The following PCDHGB3 variants were observed in gnomAD, a reference collection of about 807,000 sequenced individuals.
The protein encoded by PCDHGB3 is protocadherin gamma-B3.
Under a neutral mutation model 59.2 loss-of-function variants are expected in PCDHGB3, and 40 were observed. That is an observed-to-expected ratio of 0.68 (90% CI 0.52 to 0.88). The LOEUF is 0.88. PCDHGB3 is among the 40% of genes least tolerant of loss of function. The probability of loss-of-function intolerance (pLI) is 0.00; values close to 1 mark genes in which losing one functional copy is unlikely to be tolerated. For missense variants in PCDHGB3, 1,309 were observed against 1,187.9 expected (o/e 1.10, Z -1.50); for synonymous variants, 581 against 503.6 (o/e 1.15, Z -2.06).
intron 1 of PCDHGB3, among the ~76,000 whole-genome samples, chr5:141,373,247 G>A (rs558862045): frequency 1.3e-5 from 2 of 152,208 alleles, no homozygotes; most frequent in African/African-American, 4.8e-5. Context: ...ACTTCCCTTT[G>A]CATGTTTTTA....
chr5:141,491,845 G>A lies in PCDHGB3; in HGVS notation c.2416-2962G>A. 6.8e-7 allele frequency: 1 copy of A among 1,463,944 alleles called. No homozygotes were observed. The highest frequency in any genetic ancestry group is 9.0e-7 in the Non-Finnish European group (1 of 1,106,126). 90.7% of individuals were successfully genotyped at this position (1,463,944 alleles called of 1,614,324 possible). ...CTCCACCCGATTCTCGGGATCATTGGACCGTTTGCGCGAAACCAGAGTGGC... is the reference window on the plus strand; with the variant it reads ...CTCCACCCGATTCTCGGGATCATTGAACCGTTTGCGCGAAACCAGAGTGGC... On this transcript the variant is annotated intron_variant, in intron 1 of 3. Coordinates refer to ENST00000576222, the MANE Select transcript of PCDHGB3 (RefSeq NM_018924.5). This position sits in a 1 kb window ranked among gnomAD's most constrained non-coding sequence, Gnocchi z 6.9.
chr5:141,399,407 C>T (rs1168752842), intron 1 of PCDHGB3: 5 of 1,613,914 alleles, frequency 3.1e-6, no homozygotes, highest in Non-Finnish European at 4.2e-6. Context: ...GGCAAGCCGC[C>T]CCTCTCCTCC....
chr5:141,415,605 G>GGT, intron 1 of PCDHGB3: 1 of 1,613,122 alleles, frequency 6.2e-7, no homozygotes. Context: ...ATACCCCATT[G>GGT]GTTCCAGTGA....
chr5:141,423,201 C>G, intron 1 of PCDHGB3: 1 of 1,613,628 alleles, frequency 6.2e-7, no homozygotes, highest in Non-Finnish European at 8.5e-7. Context: ...TCTCGGCCAC[C>G]GTCACGCTCA....
Position 141,410,849 on chromosome 5 carries a change from C to CTTTTTTTTT in PCDHGB3, c.2415+38054_2415+38062dup, listed in dbSNP as rs759346998. 1.7e-3 allele frequency: 239 copies of CTTTTTTTTT among 138,144 alleles called. 16 individuals are homozygous for CTTTTTTTTT. Among genetic ancestry groups the CTTTTTTTTT allele is most frequent in the African/African-American group, 4.5e-3 (75 of 16,616 alleles). 8.6% of individuals were successfully genotyped at this position (138,144 alleles called of 1,614,324 possible). On this transcript the variant is annotated intron_variant, in intron 1 of 3. Coordinates refer to ENST00000576222, the MANE Select transcript of PCDHGB3 (RefSeq NM_018924.5). ...CAGACTGAAGATATTTTGTCTTTGT[C>CTTTTTTTTT]TTTTTTTTTTTTTTTTTTTTTTGAG...
chr5:141,423,004 G>T lies in PCDHGB3; in HGVS notation c.2415+50195G>T, dbSNP rs1206727312. 2 of 1,614,116 alleles carry T rather than the reference G, an allele frequency of 1.2e-6. No individual in the cohort carries two copies. Among genetic ancestry groups the T allele is most frequent in the African/African-American group, 1.3e-5 (1 of 74,958 alleles). ...ACCTGGCTACCTGGTGACCAAGGTG[G>T]TTGCGGTGGACAAAGATTCAGGCCA... On this transcript the variant is annotated intron_variant, in intron 1 of 3. Transcript: ENST00000576222.
chr5:141,421,837 G>A, intron 1 of PCDHGB3: 1 of 1,613,782 alleles, frequency 6.2e-7, no homozygotes. Flanking sequence ...CCTGGACCGA[G>A]AGAAAGAGGC....
intron 1 of PCDHGB3, chr5:141,383,573 C>T: frequency 8.1e-6 from 13 of 1,613,346 alleles, no homozygotes; most frequent in Non-Finnish European, 1.1e-5. Context: ...CGATCCAGCA[C>T]CGCCCACATC....
intron 1 of PCDHGB3, chr5:141,423,387 G>A (rs373190092): frequency 6.2e-7 from 1 of 1,614,162 alleles, no homozygotes; most frequent in Non-Finnish European, 8.5e-7. Context: ...TGTGGCGCTG[G>A]CATAAGTCAC....
At position 141,404,691 on chromosome 5, in the gene PCDHGB3, G is replaced by T. The variant is rs200601931; in HGVS notation, c.2415+31882G>T. ...TCTACTGGTGTGGAGCTGGCACCCC[G>T]CTCTGCAGAGCCTGGCTACCTGGTG... On this transcript the variant is annotated intron_variant, in intron 1 of 3. Transcript: ENST00000576222. 28 of 1,613,996 alleles carry T rather than the reference G, an allele frequency of 1.7e-5. No individual in the cohort carries two copies. The highest frequency in any genetic ancestry group is 1.6e-4 in the Middle Eastern group (1 of 6,062).
intron 1 of PCDHGB3, chr5:141,415,060 G>C (rs1428839232): frequency 1.2e-6 from 2 of 1,613,426 alleles, no homozygotes; most frequent in Admixed American, 1.7e-5. Flanking sequence ...GCACACGGGC[G>C]AGGTGCGCAC....
chr5:141,461,228 A>C (rs1472527415), intron 1 of PCDHGB3, among the ~76,000 whole-genome samples: 1 of 151,976 alleles, frequency 6.6e-6, no homozygotes, highest in Non-Finnish European at 1.5e-5. Flanking sequence ...TTTTCCATAG[A>C]GGTTGTACTA....
chr5:141,495,977 T>C (rs2099765025), intron 2 of PCDHGB3, among the ~76,000 whole-genome samples: 1 of 152,174 alleles, frequency 6.6e-6, no homozygotes, highest in Admixed American at 6.5e-5. Flanking sequence ...TCTGTTACTC[T>C]TTCTTTATCT....
intron 1 of PCDHGB3, chr5:141,375,866 G>T: frequency 1.2e-6 from 2 of 1,613,948 alleles, no homozygotes; most frequent in Non-Finnish European, 8.5e-7. Flanking sequence ...GGTGGCGGTG[G>T]ACAGAGACTC....
At chr5:141,383,566 T>C (rs1357683326) in intron 1 of PCDHGB3, 2 of 1,613,308 alleles carry the variant, frequency 1.2e-6, no homozygotes, top group Non-Finnish European at 1.7e-6. Context: ...CCCGCCCCGA[T>C]CCAGCACCGC....
At chr5:141,384,071 C>G in intron 1 of PCDHGB3, 2 of 1,603,192 alleles carry the variant, frequency 1.2e-6, no homozygotes, top group Non-Finnish European at 1.7e-6. Flanking sequence ...GAAAACCTAC[C>G]TTTTAAATTA....
At position 141,371,678 on chromosome 5, in the gene PCDHGB3, C is replaced by A; in HGVS notation, c.1284C>A (p.Gly428=). ...TGACGATCACAGCTACCGACAAAGG[C>A]AATCCACCGCTCTCCTCCAGCAAGA... ...YNVTITATDK[G]NPPLSSSKTI... The change falls in exon 1 of 4, where the codon GGC becomes GGA. Residue 428 remains glycine (G), a synonymous_variant. Coordinates refer to ENST00000576222, the MANE Select transcript of PCDHGB3 (RefSeq NM_018924.5). 4 of 1,614,040 alleles carry A rather than the reference C, an allele frequency of 2.5e-6. No homozygotes were observed. Among genetic ancestry groups the A allele is most frequent in the Non-Finnish European group, 3.4e-6 (4 of 1,179,896 alleles).
chr5:141,375,250 T>C (rs1771286937), intron 1 of PCDHGB3: 3 of 1,613,664 alleles, frequency 1.9e-6, no homozygotes, highest in Non-Finnish European at 2.5e-6. Context: ...TCCCGAGAAG[T>C]CTCCCATTTG....
chr5:141,375,129 T>C (rs749288394), intron 1 of PCDHGB3: 4 of 1,613,890 alleles, frequency 2.5e-6, no homozygotes, highest in Non-Finnish European at 2.5e-6. Context: ...GAAGTGGTTG[T>C]TACATCTGGA....
Sources: allele counts gnomAD v4.1 joint callset (sites outside exome capture counted in the v4.1 genomes callset), GRCh38; gene constraint gnomAD v4.1.1; non-coding constraint Gnocchi (gnomAD v3.1); transcripts MANE v1.5; gene names NCBI Gene and HGNC (gene_info 2026-07-23, HGNC 2026-07-21).